RGS6: variants seen among roughly 807,000 people sequenced by gnomAD.
RGS6 encodes regulator of G-protein signaling 6.
In RGS6, 30 loss-of-function variants were observed where a neutral mutation model predicts 78.5. That is an observed-to-expected ratio of 0.38 (90% confidence interval 0.29 to 0.52). The LOEUF is 0.52. Among genes scored for constraint, RGS6 ranks in the 20% least tolerant of loss-of-function variants. RGS6 has a pLI of 0.85. For synonymous variants in RGS6, 206 were observed against 206.0 expected (o/e 1.00, Z 0.00); for missense variants, 495 against 609.7 (o/e 0.81, Z 1.98).
chr14:72,204,125 A>G (rs566524672), intron 2 of RGS6, among the ~76,000 whole-genome samples: 4 of 152,262 alleles, frequency 2.6e-5, no homozygotes, highest in Non-Finnish European at 4.4e-5. Flanking sequence ...CACCTGGCCT[A>G]TTGTAACCAC....
At chr14:72,276,483 ACCT>A (rs968276600) in intron 2 of RGS6, among the ~76,000 whole-genome samples, 3 of 151,852 alleles carry the variant, frequency 2.0e-5, no homozygotes, top group African/African-American at 7.3e-5. Context: ...TGTCTAAAAA[ACCT>A]CCTTAGGGTG....
intron 8 of RGS6, among the ~76,000 whole-genome samples, chr14:72,472,171 A>AG (rs2096096245): frequency 2.7e-5 from 2 of 74,800 alleles, no homozygotes; most frequent in Admixed American, 3.2e-4. Context: ...TGCTTTTTTA[A>AG]GAAAAAAAAA....
intron 13 of RGS6, among the ~76,000 whole-genome samples, chr14:72,496,064 T>C (rs1335603415): frequency 1.3e-5 from 2 of 152,220 alleles, no homozygotes; most frequent in Non-Finnish European, 2.9e-5. Context: ...TCTGGCTGCT[T>C]TTCCTGAAAT....
intron 6 of RGS6, among the ~76,000 whole-genome samples, chr14:72,461,203 C>T (rs1314808345): frequency 6.6e-6 from 1 of 152,158 alleles, no homozygotes; most frequent in Non-Finnish European, 1.5e-5. Context: ...TAGCTCAGTT[C>T]CATGCAGCAA....
At chr14:72,384,090 C>T (rs147832918) in intron 3 of RGS6, among the ~76,000 whole-genome samples, 58 of 152,198 alleles carry the variant, frequency 3.8e-4, no homozygotes, top group Non-Finnish European at 6.6e-4. Context: ...ACGTTTTGAT[C>T]GTATAATAAG....
intron 14 of RGS6, among the ~76,000 whole-genome samples, chr14:72,513,203 C>T (rs2096899903): frequency 6.6e-6 from 1 of 152,234 alleles, no homozygotes; most frequent in Non-Finnish European, 1.5e-5. Context: ...CATTCTTGCA[C>T]AACCCACGGG....
intron 17 of RGS6, among the ~76,000 whole-genome samples, chr14:72,553,949 G>A (rs2097538685): frequency 6.6e-6 from 1 of 152,246 alleles, no homozygotes; most frequent in Non-Finnish European, 1.5e-5. Context: ...AGCCTGTAGG[G>A]AAATAAGGTT....
At chr14:72,498,632 C>CT (rs1440467078) in intron 13 of RGS6, among the ~76,000 whole-genome samples, 1 of 152,182 alleles carries the variant, frequency 6.6e-6, no homozygotes, top group African/African-American at 2.4e-5. Context: ...GCCTAGGACT[C>CT]TATCAGTAGC....
intron 13 of RGS6, among the ~76,000 whole-genome samples, chr14:72,496,772 T>C (rs1365621556): frequency 6.6e-6 from 1 of 152,200 alleles, no homozygotes; most frequent in Non-Finnish European, 1.5e-5. Context: ...ATTTAGTGTC[T>C]ATTACTTTGG....
chr14:72,219,797 A>G (rs1238217509), intron 2 of RGS6, among the ~76,000 whole-genome samples: 2 of 152,106 alleles, frequency 1.3e-5, no homozygotes, highest in African/African-American at 4.8e-5. Flanking sequence ...TTATTCCAAT[A>G]TTTTTATTGT....
At chr14:72,347,116 G>A (rs1444725579) in intron 2 of RGS6, among the ~76,000 whole-genome samples, 1 of 152,196 alleles carries the variant, frequency 6.6e-6, no homozygotes, top group Non-Finnish European at 1.5e-5. Context: ...GATTGGCACA[G>A]TGACGCTTAA....
intron 2 of RGS6, among the ~76,000 whole-genome samples, chr14:71,976,724 A>G (rs1227294373): frequency 5.9e-5 from 9 of 152,178 alleles, no homozygotes; most frequent in Non-Finnish European, 7.4e-5. Flanking sequence ...ATAAACATAC[A>G]TGTGCATGTG....
intron 2 of RGS6, among the ~76,000 whole-genome samples, chr14:72,339,166 T>A (rs2076542140): frequency 6.6e-6 from 1 of 152,022 alleles, no homozygotes; most frequent in South Asian, 2.1e-4. Flanking sequence ...CAGCCCCCAA[T>A]GTGATACTGT....
At chr14:72,425,811 G>A (rs2094411082) in intron 3 of RGS6, among the ~76,000 whole-genome samples, 1 of 152,240 alleles carries the variant, frequency 6.6e-6, no homozygotes. Flanking sequence ...GAAATTATAG[G>A]AGGCATAAAA....
In RGS6 at chr14:72,563,871, C is replaced by G. The variant is rs1317822633; in HGVS notation, c.*1404C>G. ...CACTCCCCCACTTGCTATGACTACCCTCCTTTGATCTATTTTTGGTCATAG... is the reference window on the plus strand; with the variant it reads ...CACTCCCCCACTTGCTATGACTACCGTCCTTTGATCTATTTTTGGTCATAG... On this transcript the variant is annotated 3_prime_UTR_variant, in exon 18 of 18. Transcript: ENST00000553525. 2 of 152,092 alleles carry G rather than the reference C, an allele frequency of 1.3e-5. No individual in the cohort carries two copies. Among genetic ancestry groups the G allele is most frequent in the Non-Finnish European group, 2.9e-5 (2 of 68,034 alleles). 9.4% of individuals were successfully genotyped at this position (152,092 alleles called of 1,614,324 possible).
Position 72,562,636 on chromosome 14 carries a change from G to T in RGS6, c.*169G>T. 1 of 1,534,658 alleles carries T rather than the reference G, an allele frequency of 6.5e-7. No individual in the cohort carries two copies. Among genetic ancestry groups the T allele is most frequent in the South Asian group, 1.2e-5 (1 of 83,966 alleles). ...GGGAGACTCGGTGGGTGAATGGGGA[G>T]ACCAGAAAGAAAGAGTCCACAGAGC... On this transcript the variant is annotated 3_prime_UTR_variant, in exon 18 of 18. Coordinates refer to ENST00000553525, the MANE Select transcript of RGS6 (RefSeq NM_001204424.2).
the RGS6 span, among the ~76,000 whole-genome samples, chr14:72,592,135 T>A: frequency 6.6e-6 from 1 of 152,144 alleles, no homozygotes; most frequent in African/African-American, 2.4e-5. Flanking sequence ...AAGAAGCCAA[T>A]AAGGAGGAGA....
chr14:72,230,022 A>C (rs2049148397), intron 2 of RGS6, among the ~76,000 whole-genome samples: 1 of 152,218 alleles, frequency 6.6e-6, no homozygotes, highest in Admixed American at 6.5e-5. Context: ...TTTTGGATGA[A>C]TCAACCAATG....
intron 2 of RGS6, among the ~76,000 whole-genome samples, chr14:72,348,199 G>T (rs1238600423): frequency 6.6e-6 from 1 of 152,156 alleles, no homozygotes; most frequent in Non-Finnish European, 1.5e-5. Context: ...TTTTCTAAAA[G>T]TCTGAGAAAT....
Sources: allele counts gnomAD v4.1 joint callset (sites outside exome capture counted in the v4.1 genomes callset), GRCh38; gene constraint gnomAD v4.1.1; transcripts MANE v1.5; gene names NCBI Gene and HGNC (gene_info 2026-07-23, HGNC 2026-07-21).